Variants in PAMR1 observed in about 807,000 individuals in gnomAD.
The protein encoded by PAMR1 is inactive serine protease PAMR1.
Under a neutral mutation model 81.8 loss-of-function variants are expected in PAMR1, and 88 were observed. The observed-to-expected ratio is 1.08, with a 90% CI of 0.91 to 1.28. The LOEUF (loss-of-function observed/expected upper bound fraction) is 1.28, where lower values mean the gene tolerates loss of function less well. PAMR1 is among the 50% of genes most tolerant of loss of function. The pLI is 0.00. For missense variants in PAMR1, 935 were observed against 919.7 expected (o/e 1.02, Z -0.21); for synonymous variants, 336 against 345.3 (o/e 0.97, Z 0.30).
upstream of PAMR1, chr11:35,530,204 G>A (rs764551897): frequency 7.2e-5 from 11 of 152,284 alleles, no homozygotes; most frequent in Non-Finnish European, 1.6e-4. Context: ...GCCAAGGCCA[G>A]AGATGGAGAA....
intron 3 of PAMR1, among the ~76,000 whole-genome samples, chr11:35,479,764 T>G (rs1435388174): frequency 1.3e-5 from 2 of 152,206 alleles, no homozygotes; most frequent in Non-Finnish European, 2.9e-5. Context: ...GGCTTCTGAA[T>G]TTTCATCTTG....
chr11:35,456,799 T>C (rs1856542449), intron 6 of PAMR1, among the ~76,000 whole-genome samples: 1 of 152,164 alleles, frequency 6.6e-6, no homozygotes, highest in Non-Finnish European at 1.5e-5. Flanking sequence ...TCTCCACAAA[T>C]AACACTGCAG....
chr11:35,510,641 T>C (rs1372555418), intron 1 of PAMR1, among the ~76,000 whole-genome samples: 2 of 152,214 alleles, frequency 1.3e-5, no homozygotes, highest in Non-Finnish European at 2.9e-5. Flanking sequence ...TATATCCACA[T>C]GTAGGTATTA....
intron 1 of PAMR1, among the ~76,000 whole-genome samples, chr11:35,514,261 A>T (rs1392007036): frequency 6.6e-6 from 1 of 152,240 alleles, no homozygotes; most frequent in Non-Finnish European, 1.5e-5. Flanking sequence ...CATTACCATT[A>T]TTCTCTGCAG....
intron 6 of PAMR1, among the ~76,000 whole-genome samples, chr11:35,457,893 C>A (rs7934974): frequency 0.37 from 56,519 of 151,900 alleles, 10,950 homozygotes; most frequent in African/African-American, 0.48. Context: ...TTACCTACCA[C>A]TTGTCATTAA....
chr11:35,493,906 C>T (rs1213717463), intron 2 of PAMR1, among the ~76,000 whole-genome samples, 190 bp downstream of exon 2: 4 of 152,240 alleles, frequency 2.6e-5, no homozygotes, highest in Non-Finnish European at 5.9e-5. Flanking sequence ...ACAAGTTTAA[C>T]ACTGAAAAGA....
intron 6 of PAMR1, among the ~76,000 whole-genome samples, chr11:35,457,492 A>ATG (rs10671102): frequency 0.28 from 42,697 of 151,764 alleles, 6,068 homozygotes; most frequent in Admixed American, 0.34. Flanking sequence ...CTTTGTGTGT[A>ATG]TGTGTGTGTG....
chr11:35,506,702 T>C (rs370584523), intron 1 of PAMR1, among the ~76,000 whole-genome samples: 8 of 152,128 alleles, frequency 5.3e-5, no homozygotes, highest in African/African-American at 1.9e-4. Flanking sequence ...TTGTATGTTA[T>C]TTGCTTCTTT....
chr11:35,432,410 A>T lies in PAMR1; in HGVS notation c.2109T>A (p.Thr703=). The change falls in exon 11 of 11, where the codon ACT becomes ACA. Residue 703 remains threonine (T), a synonymous_variant. Coordinates refer to ENST00000619888, the MANE Select transcript of PAMR1 (RefSeq NM_001001991.3). ...YDKTCSHRLS[T]AFTKVLPFKD... ...TAAAAGGCAGCACCTTGGTGAAGGC[A>T]GTGGAGAGCCTGTGGCTGCATGTTT... 6.2e-7 allele frequency: 1 copy of T among 1,614,040 alleles called. No individual in the cohort carries two copies. The highest frequency in any genetic ancestry group is 8.5e-7 in the Non-Finnish European group (1 of 1,180,034).
At chr11:35,496,620 T>C (rs1328852100) in intron 1 of PAMR1, among the ~76,000 whole-genome samples, 1 of 152,204 alleles carries the variant, frequency 6.6e-6, no homozygotes, top group Non-Finnish European at 1.5e-5. Flanking sequence ...AAACAAGTGT[T>C]GGCAGAGAAG....
chr11:35,519,324 A>G lies in PAMR1; in HGVS notation c.73+6189T>C, dbSNP rs527242872. 2.6e-4 allele frequency among the ~76,000 whole-genome samples: 40 copies of G among 152,280 alleles called. No homozygotes were observed. The South Asian group carries it at 4.1e-3, about 16-fold the overall frequency. On this transcript the variant is annotated intron_variant, in intron 1 of 10. Coordinates refer to ENST00000619888, the MANE Select transcript of PAMR1 (RefSeq NM_001001991.3). ...ATGTTTTGCCAAAAAAGAAGGGGGA[A>G]AAATGCTCCCGCTTATTCACTCCAG...
chr11:35,454,264 C>G (rs1169043090), intron 6 of PAMR1, among the ~76,000 whole-genome samples: 2 of 152,192 alleles, frequency 1.3e-5, no homozygotes, highest in African/African-American at 4.8e-5. Context: ...GCATGGCCAC[C>G]ACCCTGTACT....
At chr11:35,489,469 T>C (rs1850576952) in intron 3 of PAMR1, among the ~76,000 whole-genome samples, 1 of 152,208 alleles carries the variant, frequency 6.6e-6, no homozygotes, top group South Asian at 2.1e-4. Context: ...GCACTCCTAA[T>C]GGCTACCTTT....
intron 4 of PAMR1, among the ~76,000 whole-genome samples, chr11:35,472,753 T>C (rs951556455): frequency 7.2e-5 from 11 of 152,164 alleles, no homozygotes; most frequent in African/African-American, 2.7e-4. Context: ...GAGGTTGACA[T>C]GTTCGAGAAA....
Position 35,492,273 on chromosome 11 carries a change from A to G in PAMR1, c.251-100T>C, listed in dbSNP as rs1850646581. 4 of 1,308,144 alleles carry G rather than the reference A, an allele frequency of 3.1e-6. No homozygotes were observed. The Admixed American group carries it at 5.8e-5, about 19-fold the overall frequency. 81.0% of individuals were successfully genotyped at this position (1,308,144 alleles called of 1,614,324 possible). A position where few individuals can be genotyped will look rare whatever the true frequency, so the allele number is the denominator to read the frequency against. ...TGCACCTTCTCAGGGCCCTGTCTCA[A>G]CTAAGAGCATCTGGGCCTAGAAAGG... On this transcript the variant is annotated intron_variant, in intron 2 of 10. Transcript: ENST00000619888.
At chr11:35,519,278 C>T (rs1234470565) in intron 1 of PAMR1, among the ~76,000 whole-genome samples, 1 of 152,166 alleles carries the variant, frequency 6.6e-6, no homozygotes, top group Non-Finnish European at 1.5e-5. Flanking sequence ...GAGTCTCCAT[C>T]CCCTGCAATA....
chr11:35,473,308 TG>T (rs1393784634), intron 4 of PAMR1, among the ~76,000 whole-genome samples: 2 of 152,198 alleles, frequency 1.3e-5, no homozygotes, highest in Non-Finnish European at 2.9e-5. Flanking sequence ...GGCCCTTTCC[TG>T]GGCAGCTAAT....
In PAMR1 at chr11:35,434,527, G is replaced by T; in HGVS notation, c.1611C>A (p.Thr537=). Residue 537 remains threonine (T), a synonymous_variant, in exon 10 of 11, where the codon ACC becomes ACA. Transcript: ENST00000619888. ...CCTCTCTTACCTGTAGGCTCTGGAT[G>T]GTCTTCTCATCCCGGTCATCATCCC... ...FYRDDDRDEK[T]IQSLQISAII... is the part of the protein sequence containing the mutation. The T allele has an allele frequency of 1.2e-6, 2 of 1,613,748 alleles. No homozygotes were observed. The highest frequency in any genetic ancestry group is 1.7e-6 in the Non-Finnish European group (2 of 1,179,848).
chr11:35,449,271 C>T (rs1856361232), intron 6 of PAMR1, among the ~76,000 whole-genome samples: 1 of 151,250 alleles, frequency 6.6e-6, no homozygotes. Context: ...TCATGACTGC[C>T]TCCCCACAGA....
Sources: allele counts gnomAD v4.1 joint callset (sites outside exome capture counted in the v4.1 genomes callset), GRCh38; gene constraint gnomAD v4.1.1; transcripts MANE v1.5; gene names NCBI Gene and HGNC (gene_info 2026-07-23, HGNC 2026-07-21).